NKAIN3: variants seen among roughly 807,000 people sequenced by gnomAD.
The protein encoded by NKAIN3 is sodium/potassium-transporting ATPase subunit beta-1-interacting protein 3.
Under a neutral mutation model 30.2 loss-of-function variants are expected in NKAIN3, and 25 were observed. The ratio of observed to expected loss-of-function variants is 0.83; its 90% CI spans 0.60 to 1.16. The LOEUF is 1.16. NKAIN3 is among the 50% of genes most tolerant of loss of function. The probability of loss-of-function intolerance (pLI) is 0.00; values close to 1 mark genes in which losing one functional copy is unlikely to be tolerated. For synonymous variants in NKAIN3, 91 were observed against 89.6 expected, an observed-to-expected ratio of 1.02 and a Z score of -0.09; for missense variants, 225 against 254.1, an observed-to-expected ratio of 0.89 and a Z score of 0.78.
intron 4 of NKAIN3, among the ~76,000 whole-genome samples, chr8:62,765,482 G>A (rs1816810087): frequency 6.6e-6 from 1 of 152,146 alleles, no homozygotes; most frequent in South Asian, 2.1e-4. Context: ...CCCTAATCTA[G>A]AAAGGTGCTC....
chr8:62,443,610 T>C (rs1434772856), intron 1 of NKAIN3, among the ~76,000 whole-genome samples: 1 of 152,038 alleles, frequency 6.6e-6, no homozygotes, highest in Non-Finnish European at 1.5e-5. Flanking sequence ...CTTGAACTCC[T>C]GGCCTCAAGC....
intron 5 of NKAIN3, among the ~76,000 whole-genome samples, chr8:62,935,399 C>G (rs1312575215): frequency 6.6e-6 from 1 of 152,120 alleles, no homozygotes; most frequent in Non-Finnish European, 1.5e-5. Context: ...TGCTGGCACT[C>G]CATCGCCATT....
intron 3 of NKAIN3, among the ~76,000 whole-genome samples, chr8:62,688,741 G>GAC (rs375008096): frequency 0.015 from 1,705 of 116,468 alleles, 9 homozygotes; most frequent in South Asian, 0.038. Context: ...CAGACAGACA[G>GAC]ACACACACAC....
At chr8:62,270,027 CTTA>C (rs367580266) in intron 1 of NKAIN3, among the ~76,000 whole-genome samples, 3 of 151,552 alleles carry the variant, frequency 2.0e-5, no homozygotes, top group East Asian at 1.9e-4. Context: ...TGCGGAGGTC[CTTA>C]TTATTATTAT....
chr8:62,271,667 G>A (rs1812782488), intron 1 of NKAIN3, among the ~76,000 whole-genome samples: 1 of 152,120 alleles, frequency 6.6e-6, no homozygotes, highest in Admixed American at 6.5e-5. Flanking sequence ...TGGTGTGATA[G>A]CACTAGAGAG....
At chr8:62,947,557 G>T (rs1388000136) in intron 5 of NKAIN3, among the ~76,000 whole-genome samples, 2 of 152,190 alleles carry the variant, frequency 1.3e-5, no homozygotes, top group African/African-American at 4.8e-5. Flanking sequence ...TCAAGAAGTG[G>T]GGAGTTGCTG....
intron 4 of NKAIN3, among the ~76,000 whole-genome samples, chr8:62,871,489 A>G (rs1820644532): frequency 1.3e-5 from 2 of 152,170 alleles, no homozygotes; most frequent in African/African-American, 4.8e-5. Flanking sequence ...GTGTGATGAG[A>G]ACACTTAGTA....
intron 3 of NKAIN3, among the ~76,000 whole-genome samples, chr8:62,686,458 A>T (rs11997540): frequency 0.07 from 10,639 of 152,196 alleles, 826 homozygotes; most frequent in African/African-American, 0.19. Context: ...TGCAGAAAAA[A>T]AAGTGTTTTT....
intron 1 of NKAIN3, among the ~76,000 whole-genome samples, chr8:62,382,513 T>C (rs779961346): frequency 1.3e-4 from 20 of 152,172 alleles, no homozygotes; most frequent in Non-Finnish European, 2.9e-4. Context: ...TTTCCATTTC[T>C]CTAAGTATGT....
intron 3 of NKAIN3, among the ~76,000 whole-genome samples, chr8:62,727,622 AG>A (rs1246679504): frequency 6.6e-6 from 1 of 152,198 alleles, no homozygotes; most frequent in Non-Finnish European, 1.5e-5. Flanking sequence ...TGAACTATAT[AG>A]GTATAAATTT....
intron 1 of NKAIN3, among the ~76,000 whole-genome samples, chr8:62,303,906 TAAGG>T (rs1313558792): frequency 6.6e-6 from 1 of 150,592 alleles, no homozygotes; most frequent in Admixed American, 6.6e-5. Context: ...GTTTAATTTC[TAAGG>T]AAGTATTTGA....
chr8:62,683,388 A>G (rs1371968882), intron 3 of NKAIN3, among the ~76,000 whole-genome samples: 1 of 152,152 alleles, frequency 6.6e-6, no homozygotes, highest in Non-Finnish European at 1.5e-5. Flanking sequence ...CAGTTGGTAC[A>G]TGTCTTTATC....
chr8:62,694,015 G>C (rs1167310398), intron 3 of NKAIN3, among the ~76,000 whole-genome samples: 1 of 152,114 alleles, frequency 6.6e-6, no homozygotes, highest in East Asian at 1.9e-4. Flanking sequence ...GTTTTGATAT[G>C]TGTATAATAT....
chr8:62,526,843 C>T (rs895247172), intron 1 of NKAIN3, among the ~76,000 whole-genome samples: 23 of 152,208 alleles, frequency 1.5e-4, no homozygotes, highest in African/African-American at 5.1e-4. Context: ...AGGCTTAGCC[C>T]GCAGCGATCA....
At chr8:62,918,989 C>T (rs1265641073) in intron 5 of NKAIN3, among the ~76,000 whole-genome samples, 2 of 129,504 alleles carry the variant, frequency 1.5e-5, no homozygotes, top group African/African-American at 2.8e-5. Context: ...AGATGAGATG[C>T]AAAAAAAAAA....
chr8:62,791,972 T>G (rs370505320), intron 4 of NKAIN3, among the ~76,000 whole-genome samples: 6 of 152,302 alleles, frequency 3.9e-5, no homozygotes, highest in African/African-American at 1.4e-4. Context: ...CATTGTGAGA[T>G]AATTACACTA....
At chr8:62,446,901 A>G (rs2129598604) in intron 1 of NKAIN3, among the ~76,000 whole-genome samples, 1 of 152,160 alleles carries the variant, frequency 6.6e-6, no homozygotes, top group Non-Finnish European at 1.5e-5. Context: ...GGCTATTGTG[A>G]CTAATGCTGT....
intron 1 of NKAIN3, among the ~76,000 whole-genome samples, chr8:62,542,812 T>C (rs1456291408): frequency 6.6e-6 from 1 of 152,210 alleles, no homozygotes; most frequent in African/African-American, 2.4e-5. Flanking sequence ...CATTGCATGA[T>C]TGCCCTTGTT....
In NKAIN3 at chr8:62,967,638, T is replaced by C. The variant is rs1219783726; in HGVS notation, c.*2231T>C. On this transcript the variant is annotated 3_prime_UTR_variant, in exon 7 of 7. Coordinates refer to ENST00000623646, the MANE Select transcript of NKAIN3 (RefSeq NM_001304533.3). ...AAATGCTTTAATTTAAAAATAACAT[T>C]AATATTCAAGTTCCAAAACTAATGC... Among the ~76,000 whole-genome samples, 3 of 152,200 alleles carry C rather than the reference T, an allele frequency of 2.0e-5. No homozygotes were observed. Among genetic ancestry groups the C allele is most frequent in the Non-Finnish European group, 4.4e-5 (3 of 68,030 alleles).
Sources: gnomAD v4.1 joint callset for allele counts (sites outside exome capture counted in the v4.1 genomes callset) on GRCh38, gnomAD v4.1.1 for gene constraint, MANE v1.5 for transcripts, NCBI Gene and HGNC (gene_info 2026-07-23, HGNC 2026-07-21) for gene names.